The following TAFAZZIN variants were observed in gnomAD, a reference collection of about 807,000 sequenced individuals.
TAFAZZIN encodes the protein tafazzin, phospholipid-lysophospholipid transacylase.
In TAFAZZIN, 6 loss-of-function variants were observed where a neutral mutation model predicts 27.3. The observed-to-expected ratio is 0.22, with a 90% CI of 0.12 to 0.43. The LOEUF is 0.43. Ranked by LOEUF, TAFAZZIN falls within the 20% of genes least tolerant of loss-of-function variation. The probability of loss-of-function intolerance (pLI) is 1.00; values close to 1 mark genes in which losing one functional copy is unlikely to be tolerated. For synonymous variants in TAFAZZIN, 79 were observed against 96.2 expected (o/e 0.82, Z 1.04); for missense variants, 127 against 244.5 (o/e 0.52, Z 3.21).
intron 5 of TAFAZZIN, among the ~76,000 whole-genome samples, chrX:154,415,570 A>AAGAT (rs1482114780): frequency 8.9e-6 from 1 of 111,785 alleles, no homozygotes; most frequent in African/African-American, 3.3e-5. Context: ...ATAGATAGAT[A>AAGAT]AGATAGATAG....
chrX:154,416,718 A>T (rs1223702001), intron 5 of TAFAZZIN, among the ~76,000 whole-genome samples: 2 of 111,674 alleles, frequency 1.8e-5, no homozygotes, highest in South Asian at 3.7e-4. Context: ...AAGGGAAAGC[A>T]GTGCGGGGGC....
At position 154,421,118 on chromosome X, in the gene TAFAZZIN, A is replaced by G. The variant is rs782316388; in HGVS notation, c.*114A>G. On this transcript the variant is annotated 3_prime_UTR_variant, in exon 11 of 11. Coordinates refer to ENST00000601016, the MANE Select transcript of TAFAZZIN (RefSeq NM_000116.5). Reference sequence around the variant, plus strand: ...GACAGATTTGTTCATAGACCCTCTCAAGTGCCCTCTCCGAGCTGGTAGGCA... The same window carrying G: ...GACAGATTTGTTCATAGACCCTCTCGAGTGCCCTCTCCGAGCTGGTAGGCA... 240 of 683,904 alleles carry G rather than the reference A, an allele frequency of 3.5e-4. No individual in the cohort carries two copies. Among genetic ancestry groups the G allele is most frequent in the Middle Eastern group, 1.2e-3 (4 of 3,346 alleles). The allele number at this position is 683,904 out of a possible 1,213,427, so 56.4% of individuals were successfully genotyped here.
At chrX:154,418,293 A>G (rs913781454) in intron 5 of TAFAZZIN, among the ~76,000 whole-genome samples, 3 of 111,763 alleles carry the variant, frequency 2.7e-5, no homozygotes, top group Non-Finnish European at 5.7e-5. Context: ...TTGGGTTGAG[A>G]TTCCTGGATC....
chrX:154,414,379 C>A (rs1343551921), intron 5 of TAFAZZIN, among the ~76,000 whole-genome samples, 189 bp downstream of exon 5: 1 of 112,335 alleles, frequency 8.9e-6, no homozygotes, highest in African/African-American at 3.2e-5. Context: ...TATGAAGGTT[C>A]TAGAATAATC....
chrX:154,417,701 T>C (rs1169280648), intron 5 of TAFAZZIN, among the ~76,000 whole-genome samples: 2 of 111,761 alleles, frequency 1.8e-5, no homozygotes, highest in African/African-American at 3.2e-5. Flanking sequence ...CCTGGAGCGG[T>C]TTCTCTTTCT....
At chrX:154,412,291 C>T in intron 2 of TAFAZZIN, 77 bp downstream of exon 2, 1 of 1,124,561 alleles carries the variant, frequency 8.9e-7, no homozygotes, top group South Asian at 2.0e-5. Flanking sequence ...AGAACAAACC[C>T]CTTCTCGCTG....
At chrX:154,415,009 A>AG (rs1215020749) in intron 5 of TAFAZZIN, among the ~76,000 whole-genome samples, 64 of 108,544 alleles carry the variant, frequency 5.9e-4, no homozygotes, top group African/African-American at 2.1e-3. Flanking sequence ...AAAAAAAAAA[A>AG]GAATTTTGAA....
At chrX:154,415,694 C>G (rs189589303) in intron 5 of TAFAZZIN, among the ~76,000 whole-genome samples, 159 of 107,607 alleles carry the variant, frequency 1.5e-3, no homozygotes, top group African/African-American at 5.2e-3. Flanking sequence ...ACCAGCCTGG[C>G]TAATGTGGCG....
In TAFAZZIN at chrX:154,412,787, G is replaced by A. The variant is rs971403872; in HGVS notation, c.239-420G>A. 4.1e-5 allele frequency: 10 copies of A among 242,511 alleles called. No homozygotes were observed. The East Asian group carries it at 8.9e-4, about 21-fold the overall frequency. 20.0% of individuals were successfully genotyped at this position (242,511 alleles called of 1,213,427 possible). On this transcript the variant is annotated intron_variant, in intron 2 of 10. Transcript: ENST00000601016. Reference sequence around the variant, plus strand: ...AGAGCTTAACTGTCCTAGAGTTCATGGGGAGCCACCTAGCCACACTGGAGC... The same window carrying A: ...AGAGCTTAACTGTCCTAGAGTTCATAGGGAGCCACCTAGCCACACTGGAGC...
In TAFAZZIN at chrX:154,421,620, C is replaced by G. The variant is rs1557194979; in HGVS notation, c.*616C>G. On this transcript the variant is annotated 3_prime_UTR_variant, in exon 11 of 11. Coordinates refer to ENST00000601016, the MANE Select transcript of TAFAZZIN (RefSeq NM_000116.5). ...CTGCTTGCCCCCATGCTGGCGCCAA[C>G]AACTTCTCCATCCTTTCTGCCTCTC... The G allele has an allele frequency of 3.0e-6, 1 of 330,406 alleles. No homozygotes were observed. Among genetic ancestry groups the G allele is most frequent in the Admixed American group, 3.1e-5 (1 of 32,376 alleles). The allele number at this position is 330,406 out of a possible 1,213,427, so 27.2% of individuals were successfully genotyped here. A position where few individuals can be genotyped will look rare whatever the true frequency, so the allele number is the denominator to read the frequency against.
At position 154,412,061 on chromosome X, in the gene TAFAZZIN, C is replaced by T. The variant is rs1270472029; in HGVS notation, c.110-25C>T. On this transcript the variant is annotated intron_variant, in intron 1 of 10. Transcript: ENST00000601016. ...CCCGACCTAGCGGGCGAGCCCGGAG[C>T]GCCTGACTTCTCCTTCCCCGCCAGA... The T allele has an allele frequency of 5.0e-6, 6 of 1,207,355 alleles. No homozygotes were observed. The African/African-American group carries it at 5.2e-5, about 11-fold the overall frequency.
intron 1 of TAFAZZIN, 32 bp from the exon 2 acceptor site, chrX:154,412,054 C>G (rs782254165): frequency 2.5e-6 from 3 of 1,207,106 alleles, no homozygotes; most frequent in Admixed American, 2.2e-5. Context: ...AGCGGGCGAG[C>G]CCGGAGCGCC....
At chrX:154,420,801 G>T (rs1395921764) in intron 10 of TAFAZZIN, 66 bp downstream of exon 10, 1 of 1,184,615 alleles carries the variant, frequency 8.4e-7, no homozygotes, top group Admixed American at 2.2e-5. Flanking sequence ...CCAGCAGGGT[G>T]CCTCCACCCT....
In TAFAZZIN at chrX:154,416,039, A is replaced by G. The variant is rs1380138827; in HGVS notation, c.460+1849A>G. Among the ~76,000 whole-genome samples the G allele has an allele frequency of 2.7e-5, 3 of 110,095 alleles. No homozygotes were observed. In the South Asian group the frequency reaches 1.2e-3, roughly 43 times the overall value. ...TTTGCGAGGCCGAGGCGGGTGGTTC[A>G]CCTGAGGTCAGGAGTTTGAGACCAG... is the stretch of plus-strand genomic sequence containing the variant. On this transcript the variant is annotated intron_variant, in intron 5 of 10. Coordinates refer to ENST00000601016, the MANE Select transcript of TAFAZZIN (RefSeq NM_000116.5).
rs377538005 is a variant in TAFAZZIN at position 154,421,446 on chromosome X, C to T, written c.*442C>T. ...CCTCCTCAGGGATGGCCGTTGGCCACGTCTTCCTTCTGCCTGAGCTTCCCC... is the reference window on the plus strand; with the variant it reads ...CCTCCTCAGGGATGGCCGTTGGCCATGTCTTCCTTCTGCCTGAGCTTCCCC... On this transcript the variant is annotated 3_prime_UTR_variant, in exon 11 of 11. Coordinates refer to ENST00000601016, the MANE Select transcript of TAFAZZIN (RefSeq NM_000116.5). 1.5e-4 allele frequency: 49 copies of T among 333,627 alleles called. No homozygotes were observed. The highest frequency in any genetic ancestry group is 1.4e-3 in the Admixed American group (46 of 32,285). The allele number at this position is 333,627 out of a possible 1,213,427, so 27.5% of individuals were successfully genotyped here.
In TAFAZZIN at chrX:154,421,083, G is replaced by A. The variant is rs782113137; in HGVS notation, c.*79G>A. ...ATGGACTGATGCTTTTAGCTCAAAC[G>A]TGGCTTTTAGACAGATTTGTTCATA... is the stretch of plus-strand genomic sequence containing the variant. On this transcript the variant is annotated 3_prime_UTR_variant, in exon 11 of 11. Transcript: ENST00000601016. 6 of 972,797 alleles carry A rather than the reference G, an allele frequency of 6.2e-6. No homozygotes were observed. Among genetic ancestry groups the A allele is most frequent in the East Asian group, 6.4e-5 (2 of 31,342 alleles). The allele number at this position is 972,797 out of a possible 1,213,427, so 80.2% of individuals were successfully genotyped here. A position where few individuals can be genotyped will look rare whatever the true frequency, so the allele number is the denominator to read the frequency against.
At chrX:154,418,188 AT>A (rs1557193441) in intron 5 of TAFAZZIN, among the ~76,000 whole-genome samples, 1 of 111,696 alleles carries the variant, frequency 9.0e-6, no homozygotes, top group East Asian at 2.8e-4. Flanking sequence ...CCCCTGTACT[AT>A]TACACATGCT....
intron 9 of TAFAZZIN, 90 bp from the exon 10 acceptor site, chrX:154,420,568 C>G: frequency 9.6e-7 from 1 of 1,037,491 alleles, no homozygotes; most frequent in Non-Finnish European, 1.4e-6. Context: ...CACAGCAGGG[C>G]CGGGGCTTAG....
chrX:154,414,383 A>G (rs948561072), intron 5 of TAFAZZIN, among the ~76,000 whole-genome samples, 193 bp downstream of exon 5: 1 of 112,761 alleles, frequency 8.9e-6, no homozygotes, highest in African/African-American at 3.2e-5. Flanking sequence ...AAGGTTCTAG[A>G]ATAATCCTAT....
Sources: allele counts gnomAD v4.1 joint callset (sites outside exome capture counted in the v4.1 genomes callset), GRCh38; gene constraint gnomAD v4.1.1; transcripts MANE v1.5; gene names NCBI Gene and HGNC (gene_info 2026-07-23, HGNC 2026-07-21).